Variants in BMPR1B observed in about 807,000 individuals in gnomAD.
BMPR1B encodes bone morphogenetic protein receptor type 1B.
Under a neutral mutation model 59.1 loss-of-function variants are expected in BMPR1B, and 12 were observed. The ratio of observed to expected loss-of-function variants is 0.20; its 90% CI spans 0.13 to 0.33. The LOEUF is 0.33. Ranked by LOEUF, BMPR1B falls within the 10% of genes least tolerant of loss-of-function variation. The pLI is 1.00. For synonymous variants in BMPR1B, 237 were observed against 207.3 expected (o/e 1.14, Z -1.23); for missense variants, 550 against 610.9 (o/e 0.90, Z 1.05).
intron 1 of BMPR1B, among the ~76,000 whole-genome samples, chr4:94,835,811 A>G (rs2148928509): frequency 6.6e-6 from 1 of 152,130 alleles, no homozygotes; most frequent in East Asian, 1.9e-4. Flanking sequence ...CACATTGTGC[A>G]GGTTAGTTAC....
chr4:94,792,247 A>G (rs901289116), intron 1 of BMPR1B, among the ~76,000 whole-genome samples: 1 of 152,166 alleles, frequency 6.6e-6, no homozygotes, highest in Non-Finnish European at 1.5e-5. Context: ...CATTATTAAC[A>G]TACTTTAAAA....
At chr4:94,950,637 TC>T (rs1303860015) in intron 2 of BMPR1B, among the ~76,000 whole-genome samples, 2 of 152,252 alleles carry the variant, frequency 1.3e-5, no homozygotes, top group African/African-American at 4.8e-5. Flanking sequence ...CTGTTTCTGT[TC>T]CTTTGGTCTA....
At chr4:95,122,950 A>C (rs2149289743) in intron 6 of BMPR1B, among the ~76,000 whole-genome samples, 1 of 152,282 alleles carries the variant, frequency 6.6e-6, no homozygotes, top group African/African-American at 2.4e-5. Flanking sequence ...TTACTATATA[A>C]GTGCACCTGG....
chr4:94,774,415 CATG>C (rs1212412019), intron 1 of BMPR1B, among the ~76,000 whole-genome samples: 3 of 151,828 alleles, frequency 2.0e-5, no homozygotes, highest in Non-Finnish European at 4.4e-5. Flanking sequence ...GATTAGGGTT[CATG>C]ATGATAAAAT....
rs115293265 is a variant in BMPR1B at position 94,940,551 on chromosome 4, C to T, written c.-112-55489C>T. On this transcript the variant is annotated intron_variant, in intron 2 of 12. Transcript: ENST00000515059. ...TCACAATTGTTGAACATTGTGAACACGTAGTGTTTACTGAGTTGTATAATA... is the reference window on the plus strand; with the variant it reads ...TCACAATTGTTGAACATTGTGAACATGTAGTGTTTACTGAGTTGTATAATA... Among the ~76,000 whole-genome samples the T allele has an allele frequency of 4.3e-3, 654 of 152,216 alleles. 1 individual carries two copies. Among genetic ancestry groups the T allele is most frequent in the Non-Finnish European group, 7.5e-3 (509 of 68,022 alleles).
Position 94,980,910 on chromosome 4 carries a change from G to A in BMPR1B, c.-112-15130G>A, listed in dbSNP as rs554096939. On this transcript the variant is annotated intron_variant, in intron 2 of 12. Coordinates refer to ENST00000515059, the MANE Select transcript of BMPR1B (RefSeq NM_001203.3). ...CTCAGGAGGCTGAGGCAGGAGAATC[G>A]CTTGAACCCAGGAGGCAGAGGTTGC... Among the ~76,000 whole-genome samples the A allele has an allele frequency of 3.3e-5, 5 of 152,156 alleles. No homozygotes were observed. The East Asian group carries it at 5.8e-4, about 18-fold the overall frequency.
At chr4:94,919,189 C>G (rs1332818713) in intron 2 of BMPR1B, among the ~76,000 whole-genome samples, 1 of 152,090 alleles carries the variant, frequency 6.6e-6, no homozygotes, top group East Asian at 1.9e-4. Flanking sequence ...CAAGCCACAC[C>G]CAAGTCATCC....
Position 94,951,635 on chromosome 4 carries a change from T to TGGTGGATAA in BMPR1B, c.-112-44404_-112-44403insGTGGATAAG, listed in dbSNP as rs1729942949. On this transcript the variant is annotated intron_variant, in intron 2 of 12. Transcript: ENST00000515059. ...ACTTGATCGTGGTGGATAAGGTTTG[T>TGGTGGATAA]GATGTGCTGCTGGATTCGTTTTGCC... 3.3e-5 allele frequency among the ~76,000 whole-genome samples: 5 copies of TGGTGGATAA among 152,322 alleles called. No individual in the cohort carries two copies. In the South Asian group the frequency reaches 1.0e-3, roughly 32 times the overall value.
intron 3 of BMPR1B, among the ~76,000 whole-genome samples, chr4:95,024,011 T>G (rs1724178239): frequency 6.6e-6 from 1 of 152,170 alleles, no homozygotes; most frequent in South Asian, 2.1e-4. Flanking sequence ...CTGTGATCCT[T>G]AGTTCAAGGC....
intron 1 of BMPR1B, among the ~76,000 whole-genome samples, chr4:94,847,905 A>G (rs1725401447): frequency 6.6e-6 from 1 of 152,200 alleles, no homozygotes; most frequent in Non-Finnish European, 1.5e-5. Flanking sequence ...GTACATTAAA[A>G]AAACTAAAAG....
chr4:95,122,335 C>CA (rs34062951), intron 6 of BMPR1B, among the ~76,000 whole-genome samples: 7,658 of 126,864 alleles, frequency 0.06, 643 homozygotes, highest in African/African-American at 0.2. Flanking sequence ...GATCCTGTAT[C>CA]AAAAAAAAAA....
At chr4:94,793,822 A>T (rs1161249672) in intron 1 of BMPR1B, among the ~76,000 whole-genome samples, 1 of 151,086 alleles carries the variant, frequency 6.6e-6, no homozygotes, top group African/African-American at 2.4e-5. Flanking sequence ...TCTTCTTTTG[A>T]GAAGTGTCTG....
intron 6 of BMPR1B, among the ~76,000 whole-genome samples, chr4:95,116,421 G>GCGCACACACACACACACACACACA: frequency 8.3e-4 from 102 of 123,242 alleles, no homozygotes; most frequent in African/African-American, 3.2e-3. Flanking sequence ...TTCAGCGCGC[G>GCGCACACACACACACACACACACA]CACACACACA....
At chr4:94,967,345 A>T (rs1460157663) in intron 2 of BMPR1B, among the ~76,000 whole-genome samples, 1 of 152,110 alleles carries the variant, frequency 6.6e-6, no homozygotes, top group Non-Finnish European at 1.5e-5. Flanking sequence ...CACAAATACG[A>T]CCCTGTTGTT....
Position 95,148,860 on chromosome 4 carries a change from A to G in BMPR1B, c.1189A>G (p.Met397Val), listed in dbSNP as rs548452438. 11 of 1,614,032 alleles carry G rather than the reference A, an allele frequency of 6.8e-6. No individual in the cohort carries two copies. In the East Asian group the frequency reaches 1.6e-4, roughly 23 times the overall value. Residue 397 changes from methionine to valine, a missense_variant, in exon 11 of 13, where the codon ATG (methionine) becomes GTG (valine). Met to Val is a conservative substitution (Grantham distance 21). Transcript: ENST00000515059. Reference sequence around the variant, plus strand: ...CAGAAATCACTTCCAGTCTTACATCATGGCTGACATGTATAGTTTTGGCCT... The same window carrying G: ...CAGAAATCACTTCCAGTCTTACATCGTGGCTGACATGTATAGTTTTGGCCT... The part of the protein sequence containing the change: ...LNRNHFQSYI[M>V]ADMYSFGLIL...
intron 2 of BMPR1B, among the ~76,000 whole-genome samples, chr4:94,937,070 C>A (rs1013042302): frequency 6.6e-6 from 1 of 152,098 alleles, no homozygotes; most frequent in African/African-American, 2.4e-5. Flanking sequence ...GCCATTCTAG[C>A]CTTGTTACTT....
chr4:94,874,775 T>G (rs1726649845), intron 1 of BMPR1B, among the ~76,000 whole-genome samples: 1 of 151,952 alleles, frequency 6.6e-6, no homozygotes, highest in South Asian at 2.1e-4. Context: ...GTAGATCACT[T>G]GAGGTCAGGA....
At chr4:94,772,554 A>G (rs1722224683) in intron 1 of BMPR1B, among the ~76,000 whole-genome samples, 1 of 152,334 alleles carries the variant, frequency 6.6e-6, no homozygotes, top group Admixed American at 6.5e-5. Flanking sequence ...TTAAATGAAC[A>G]CATTTTTGCT....
chr4:94,821,566 CCAAT>C (rs1331198040), intron 1 of BMPR1B, among the ~76,000 whole-genome samples: 1 of 151,894 alleles, frequency 6.6e-6, no homozygotes, highest in Non-Finnish European at 1.5e-5. Flanking sequence ...GGATCTTAAA[CCAAT>C]CAATTAAGAG....
Sources: gnomAD v4.1 joint callset for allele counts (sites outside exome capture counted in the v4.1 genomes callset) on GRCh38, gnomAD v4.1.1 for gene constraint, MANE v1.5 for transcripts, NCBI Gene and HGNC (gene_info 2026-07-23, HGNC 2026-07-21) for gene names.